KIF9: variants seen among roughly 807,000 people sequenced by gnomAD.
KIF9 encodes kinesin-like protein KIF9.
In KIF9, 68 loss-of-function variants were observed where a neutral mutation model predicts 94.8. That is an observed-to-expected ratio of 0.72 (90% CI 0.59 to 0.88). The LOEUF (loss-of-function observed/expected upper bound fraction) is 0.88, where lower values mean the gene tolerates loss of function less well. Ranked by LOEUF, KIF9 falls within the 40% of genes least tolerant of loss-of-function variation. The probability of loss-of-function intolerance (pLI) is 0.00; values close to 1 mark genes in which losing one functional copy is unlikely to be tolerated. For missense variants in KIF9, 882 were observed against 982.5 expected (o/e 0.90, Z 1.37); for synonymous variants, 343 against 362.1 (o/e 0.95, Z 0.60).
At chr3:47,260,460 C>T (rs941642952) in intron 9 of KIF9, among the ~76,000 whole-genome samples, 1 of 152,166 alleles carries the variant, frequency 6.6e-6, no homozygotes, top group Non-Finnish European at 1.5e-5. Flanking sequence ...TCCCACCTTA[C>T]GAGAAACACC....
At chr3:47,267,459 C>T (rs1190519706) in intron 5 of KIF9, among the ~76,000 whole-genome samples, 196 bp from the exon 6 acceptor site, 3 of 152,162 alleles carry the variant, frequency 2.0e-5, no homozygotes, top group South Asian at 2.1e-4. Context: ...TTTCACCCGC[C>T]GCTGGGGAAG....
At chr3:47,249,921 C>A (rs569030644) in intron 10 of KIF9, among the ~76,000 whole-genome samples, 1 of 152,070 alleles carries the variant, frequency 6.6e-6, no homozygotes, top group Non-Finnish European at 1.5e-5. Context: ...TGGTGGCATG[C>A]GCCTGTAATC....
At chr3:47,237,432 T>C (rs1186821582) in intron 17 of KIF9, among the ~76,000 whole-genome samples, 1 of 152,212 alleles carries the variant, frequency 6.6e-6, no homozygotes, top group Non-Finnish European at 1.5e-5. Context: ...TAGACATCTA[T>C]ATCGTGTTGA....
At chr3:47,270,392 T>C (rs1365111707) in intron 5 of KIF9, among the ~76,000 whole-genome samples, 3 of 151,920 alleles carry the variant, frequency 2.0e-5, no homozygotes, top group Non-Finnish European at 4.4e-5. Flanking sequence ...TAGCTGGGAT[T>C]ACAGGCACCC....
intron 9 of KIF9, among the ~76,000 whole-genome samples, chr3:47,258,971 C>T (rs1314550023): frequency 6.6e-6 from 1 of 152,164 alleles, no homozygotes; most frequent in Non-Finnish European, 1.5e-5. Flanking sequence ...CAGTGGCTGC[C>T]ATAGTGGCCA....
At chr3:47,277,464 A>G in intron 1 of KIF9, 85 bp from the exon 2 acceptor site, 1 of 921,498 alleles carries the variant, frequency 1.1e-6, no homozygotes, top group Non-Finnish European at 1.7e-6. Context: ...AGAAGATCAG[A>G]AAAGAGTGAC....
At chr3:47,274,697 G>A (rs1288081138) in intron 3 of KIF9, among the ~76,000 whole-genome samples, 2 of 152,202 alleles carry the variant, frequency 1.3e-5, no homozygotes, top group Non-Finnish European at 2.9e-5. Context: ...TAGTTCCTCT[G>A]TCTTCACCTC....
At position 47,259,238 on chromosome 3, in the gene KIF9, C is replaced by T. The variant is rs534055489; in HGVS notation, c.982-1678G>A. Among the ~76,000 whole-genome samples, 4 of 152,328 alleles carry T rather than the reference C, an allele frequency of 2.6e-5. No homozygotes were observed. In the East Asian group the frequency reaches 5.8e-4, roughly 22 times the overall value. Reference sequence around the variant, plus strand: ...AGCCTTAGTCAAGTGTCCTCCCCACCATCCACAGGGAGTCTCCACAGGTTT... The same window carrying T: ...AGCCTTAGTCAAGTGTCCTCCCCACTATCCACAGGGAGTCTCCACAGGTTT... On this transcript the variant is annotated intron_variant, in intron 9 of 20. Transcript: ENST00000684063.
chr3:47,250,345 C>G (rs1700191261), intron 10 of KIF9, among the ~76,000 whole-genome samples: 1 of 152,156 alleles, frequency 6.6e-6, no homozygotes, highest in African/African-American at 2.4e-5. Flanking sequence ...AACTTTAGAA[C>G]TTACCTATTT....
intron 20 of KIF9, among the ~76,000 whole-genome samples, chr3:47,234,057 T>G (rs1271446423): frequency 6.6e-6 from 1 of 151,956 alleles, no homozygotes; most frequent in Non-Finnish European, 1.5e-5. Context: ...CACTCCAGCC[T>G]GGGCAATAAG....
chr3:47,269,903 G>A (rs1701531642), intron 5 of KIF9, among the ~76,000 whole-genome samples: 2 of 151,566 alleles, frequency 1.3e-5, no homozygotes, highest in African/African-American at 4.9e-5. Flanking sequence ...AGCCTCCTGA[G>A]TAGTTGGGAG....
intron 5 of KIF9, 109 bp downstream of exon 5, chr3:47,271,128 A>C: frequency 1.2e-6 from 1 of 828,198 alleles, no homozygotes. Context: ...TTGGAGAAAA[A>C]CCAAGATCCT....
intron 12 of KIF9, 27 bp downstream of exon 12, chr3:47,247,346 C>T (rs760700817): frequency 1.3e-6 from 2 of 1,518,074 alleles, no homozygotes; most frequent in Non-Finnish European, 1.8e-6. Context: ...GCTGGCTGAG[C>T]ATAGTGGTCA....
In KIF9 at chr3:47,263,587, CCT is replaced by C. The variant is rs1221109801; in HGVS notation, c.981+697_981+698del. On this transcript the variant is annotated intron_variant, in intron 9 of 20. Transcript: ENST00000684063. ...GGTCACATCTTCAGTCCCACTATTA[CCT>C]CTGCCAGGAATACCTCTGCTTATCC... 7 of 296,730 alleles carry C rather than the reference CCT, an allele frequency of 2.4e-5. No individual in the cohort carries two copies. The Admixed American group carries it at 2.7e-4, about 11-fold the overall frequency. The allele number at this position is 296,730 out of a possible 1,614,324, so 18.4% of individuals were successfully genotyped here. A position where few individuals can be genotyped will look rare whatever the true frequency, so the allele number is the denominator to read the frequency against.
At chr3:47,232,266 T>C (rs1698646427) in intron 20 of KIF9, among the ~76,000 whole-genome samples, 1 of 152,162 alleles carries the variant, frequency 6.6e-6, no homozygotes, top group Non-Finnish European at 1.5e-5. Context: ...CTGTGAGCAA[T>C]ACATTTCTGC....
At position 47,271,194 on chromosome 3, in the gene KIF9, G is replaced by A. The variant is rs774841310; in HGVS notation, c.591+43C>T. ...GAAAAGCTGAGAAGGAGGGTGGCAG[G>A]GAGGGAGAGAAGGAAAGGAACCCTC... On this transcript the variant is annotated intron_variant, in intron 5 of 20. Coordinates refer to ENST00000684063, the MANE Select transcript of KIF9 (RefSeq NM_182902.4). 5 of 1,342,952 alleles carry A rather than the reference G, an allele frequency of 3.7e-6. No homozygotes were observed. The South Asian group carries it at 6.0e-5, about 16-fold the overall frequency. 83.2% of individuals were successfully genotyped at this position (1,342,952 alleles called of 1,614,324 possible). A position where few individuals can be genotyped will look rare whatever the true frequency, so the allele number is the denominator to read the frequency against.
intron 10 of KIF9, among the ~76,000 whole-genome samples, chr3:47,250,956 C>A (rs1359389753): frequency 3.9e-5 from 6 of 152,240 alleles, no homozygotes; most frequent in African/African-American, 1.4e-4. Context: ...AACAGAACCC[C>A]TGGCATCCTG....
At chr3:47,262,813 C>G (rs1701066371) in intron 9 of KIF9, among the ~76,000 whole-genome samples, 1 of 152,214 alleles carries the variant, frequency 6.6e-6, no homozygotes, top group African/African-American at 2.4e-5. Flanking sequence ...TAAGTAGATT[C>G]TCCAGGTGAC....
intron 10 of KIF9, among the ~76,000 whole-genome samples, chr3:47,254,210 C>T (rs1700434073): frequency 6.6e-6 from 1 of 152,214 alleles, no homozygotes; most frequent in South Asian, 2.1e-4. Flanking sequence ...GTAATGCCAG[C>T]ACTCTGGGAG....
Sources: allele counts gnomAD v4.1 joint callset (sites outside exome capture counted in the v4.1 genomes callset), GRCh38; gene constraint gnomAD v4.1.1; transcripts MANE v1.5; gene names NCBI Gene and HGNC (gene_info 2026-07-23, HGNC 2026-07-21).